LRGUK: variants seen among roughly 807,000 people sequenced by gnomAD.
The protein encoded by LRGUK is leucine-rich repeat and guanylate kinase domain-containing protein.
Under a neutral mutation model 76.0 loss-of-function variants are expected in LRGUK, and 65 were observed. That is an observed-to-expected ratio of 0.85 (90% CI 0.70 to 1.05). The LOEUF (loss-of-function observed/expected upper bound fraction) is 1.05. Ranked by LOEUF, LRGUK falls within the 50% of genes least tolerant of loss-of-function variation. The pLI, the probability that LRGUK is intolerant of heterozygous loss-of-function variation, is 0.00. For missense variants in LRGUK, 758 were observed against 732.8 expected (o/e 1.03, Z -0.40); for synonymous variants, 268 against 265.6 (o/e 1.01, Z -0.09).
chr7:134,185,589 A>C (rs1392828677), intron 11 of LRGUK, among the ~76,000 whole-genome samples: 1 of 151,914 alleles, frequency 6.6e-6, no homozygotes, highest in East Asian at 1.9e-4. Context: ...ATTGTCTGTC[A>C]TCTCTTAAAC....
chr7:134,213,739 G>T (rs1801357151), downstream of LRGUK, among the ~76,000 whole-genome samples: 1 of 152,114 alleles, frequency 6.6e-6, no homozygotes, highest in Non-Finnish European at 1.5e-5. Flanking sequence ...ACAATATTTT[G>T]TTTGTGGTCA....
At chr7:134,142,560 C>A in intron 3 of LRGUK, among the ~76,000 whole-genome samples, 1 of 152,122 alleles carries the variant, frequency 6.6e-6, no homozygotes, top group East Asian at 1.9e-4. Context: ...ATAGTTAATG[C>A]GATCTAGTGG....
chr7:134,127,374 A>G, exon 1 of LRGUK: 1 of 1,598,632 alleles, frequency 6.3e-7, no homozygotes, highest in Non-Finnish European at 8.5e-7. Context: ...CAAGATGGCG[A>G]CCTCCGAGAG....
exon 16 of LRGUK, chr7:134,208,849 T>C: frequency 2.5e-6 from 1 of 398,758 alleles, no homozygotes; most frequent in Non-Finnish European, 4.4e-6. Flanking sequence ...ACCTAGAAAA[T>C]CAGAGCGTAA....
chr7:134,213,078 A>C (rs1239039231), downstream of LRGUK, among the ~76,000 whole-genome samples: 1 of 152,220 alleles, frequency 6.6e-6, no homozygotes. Flanking sequence ...TCTTAGAAGA[A>C]GGAACCACGT....
chr7:134,182,798 G>T (rs752925996), intron 10 of LRGUK, among the ~76,000 whole-genome samples: 1 of 152,100 alleles, frequency 6.6e-6, no homozygotes, highest in East Asian at 1.9e-4. Flanking sequence ...TTTCACTCTT[G>T]TTGCCCAGAC....
intron 16 of LRGUK, among the ~76,000 whole-genome samples, chr7:134,228,937 G>A (rs1801825266): frequency 6.6e-6 from 1 of 152,076 alleles, no homozygotes; most frequent in South Asian, 2.1e-4. Flanking sequence ...CATAGCCAGT[G>A]CAATAAAGCA....
At chr7:134,266,940 A>G (rs916943084), downstream of LRGUK, among the ~76,000 whole-genome samples, 5 of 152,226 alleles carry the variant, frequency 3.3e-5, no homozygotes, top group African/African-American at 1.2e-4. Flanking sequence ...AACAAATGCT[A>G]GTGGACTTCT....
intron 5 of LRGUK, among the ~76,000 whole-genome samples, chr7:134,152,690 G>T (rs1798273021): frequency 6.6e-6 from 1 of 152,018 alleles, no homozygotes; most frequent in African/African-American, 2.4e-5. Flanking sequence ...GTCATATAAA[G>T]TTGAGCATCC....
At chr7:134,264,915 C>CT (rs1802828633), downstream of LRGUK, among the ~76,000 whole-genome samples, 1 of 152,246 alleles carries the variant, frequency 6.6e-6, no homozygotes, top group East Asian at 1.9e-4. Context: ...AATGACTTTC[C>CT]TTTTTAAAAT....
At chr7:134,220,751 G>T (rs1286798954) in intron 15 of LRGUK, among the ~76,000 whole-genome samples, 2 of 151,756 alleles carry the variant, frequency 1.3e-5, no homozygotes, top group African/African-American at 4.8e-5. Context: ...GTATTTTTTT[G>T]TAGAGATGAG....
At chr7:134,272,638 G>A in the LRGUK span, among the ~76,000 whole-genome samples, 1 of 152,112 alleles carries the variant, frequency 6.6e-6, no homozygotes, top group African/African-American at 2.4e-5. Context: ...TATAATAACA[G>A]TTATAAGCCC....
intron 1 of LRGUK, among the ~76,000 whole-genome samples, chr7:134,128,127 A>C (rs2116774994): frequency 6.6e-6 from 1 of 151,270 alleles, no homozygotes. Context: ...AAAAAAAAAA[A>C]ATCCGCTTTT....
At chr7:134,190,924 G>C in intron 11 of LRGUK, among the ~76,000 whole-genome samples, 1 of 152,244 alleles carries the variant, frequency 6.6e-6, no homozygotes, top group African/African-American at 2.4e-5. Context: ...AGCAGTTCTG[G>C]GGATAGACAG....
chr7:134,185,159 T>A (rs1799929412), intron 11 of LRGUK, among the ~76,000 whole-genome samples: 1 of 151,958 alleles, frequency 6.6e-6, no homozygotes, highest in African/African-American at 2.4e-5. Context: ...ATGACCCAGT[T>A]AAAATAGAGG....
chr7:134,210,050 A>T (rs2117123060), exon 16 of LRGUK: 1 of 399,604 alleles, frequency 2.5e-6, no homozygotes, highest in African/African-American at 2.1e-5. Context: ...CTCACCCCAC[A>T]ACCAGGGGCC....
At position 134,189,132 on chromosome 7, in the gene LRGUK, G is replaced by A. The variant is rs186969992; in HGVS notation, c.1335-2523G>A. On this transcript the variant is annotated intron_variant, in intron 11 of 15. Transcript: ENST00000645682. ...ACTTTTAGGACCAGAGTTGGAGTCT[G>A]GGGTTCATCTCTAACTTAGTCCTTT... 5.9e-5 allele frequency among the ~76,000 whole-genome samples: 9 copies of A among 152,266 alleles called. No individual in the cohort carries two copies. The East Asian group carries it at 1.7e-3, about 29-fold the overall frequency.
intron 4 of LRGUK, among the ~76,000 whole-genome samples, chr7:134,145,560 A>G (rs1220629661): frequency 6.6e-6 from 1 of 152,036 alleles, no homozygotes; most frequent in Admixed American, 6.6e-5. Flanking sequence ...GGTGTTTTCA[A>G]TGTATTATTT....
chr7:134,132,816 C>T (rs1401675496), intron 1 of LRGUK, among the ~76,000 whole-genome samples: 1 of 152,162 alleles, frequency 6.6e-6, no homozygotes, highest in Non-Finnish European at 1.5e-5. Context: ...GAGTGAGAAA[C>T]ATTAGGACAG....
Sources: allele counts gnomAD v4.1 joint callset (sites outside exome capture counted in the v4.1 genomes callset), GRCh38; gene constraint gnomAD v4.1.1; transcripts MANE v1.5; gene names NCBI Gene and HGNC (gene_info 2026-07-23, HGNC 2026-07-21).